The following WIPF1 variants were observed in gnomAD, a reference collection of about 807,000 sequenced individuals.
WIPF1 encodes WAS/WASL-interacting protein family member 1.
WIPF1 carries 13 observed loss-of-function variants against 35.4 expected under a neutral mutation model. The ratio of observed to expected loss-of-function variants is 0.37; its 90% confidence interval spans 0.24 to 0.58. The LOEUF (loss-of-function observed/expected upper bound fraction) is 0.58. Among genes scored for constraint, WIPF1 ranks in the 20% least tolerant of loss-of-function variants. The probability of loss-of-function intolerance (pLI) is 0.74; values close to 1 mark genes in which losing one functional copy is unlikely to be tolerated. For synonymous variants in WIPF1, 267 were observed against 266.3 expected (o/e 1.00, Z -0.02); for missense variants, 591 against 667.0 (o/e 0.89, Z 1.25).
rs1684484943 is a variant in WIPF1 at position 174,561,589 on chromosome 2, C to T, written c.*958G>A. 6.3e-6 allele frequency: 1 copy of T among 157,660 alleles called. No homozygotes were observed. The highest frequency in any genetic ancestry group is 2.4e-5 in the African/African-American group (1 of 41,446). 9.8% of individuals were successfully genotyped at this position (157,660 alleles called of 1,614,324 possible). The stretch of plus-strand genomic sequence containing the variant: ...GGTACTTTGAAGCAACACTTGTATA[C>T]AGATATTAAGGGAAGAGGGAAGTTA... On this transcript the variant is annotated 3_prime_UTR_variant, in exon 8 of 8. Transcript: ENST00000679041.
chr2:174,643,740 T>A (rs1687345827), intron 1 of WIPF1, among the ~76,000 whole-genome samples: 1 of 152,166 alleles, frequency 6.6e-6, no homozygotes, highest in South Asian at 2.1e-4. Flanking sequence ...TTTAACAGAT[T>A]TTTCAGTGCT....
intron 6 of WIPF1, 60 bp downstream of exon 6, chr2:174,567,801 C>T: frequency 6.7e-7 from 1 of 1,500,272 alleles, no homozygotes; most frequent in Non-Finnish European, 8.9e-7. Context: ...ACCACATATA[C>T]AAACAGATTT....
At chr2:174,679,354 G>A (rs1235635115) in intron 1 of WIPF1, among the ~76,000 whole-genome samples, 4 of 152,012 alleles carry the variant, frequency 2.6e-5, no homozygotes, top group African/African-American at 9.7e-5. Flanking sequence ...TGTAATCCCA[G>A]CTACTTGGGA....
chr2:174,574,860 T>C, intron 4 of WIPF1: 1 of 717,146 alleles, frequency 1.4e-6, no homozygotes, highest in South Asian at 1.5e-5. Flanking sequence ...CAAAGAAAGC[T>C]GAATCTGTCA....
chr2:174,635,272 T>C (rs1356360796), intron 1 of WIPF1, among the ~76,000 whole-genome samples: 1 of 152,194 alleles, frequency 6.6e-6, no homozygotes, highest in Non-Finnish European at 1.5e-5. Flanking sequence ...CTCCAAAATA[T>C]GCCAGCATTT....
chr2:174,602,849 T>C (rs1232333678), intron 1 of WIPF1, among the ~76,000 whole-genome samples: 1 of 152,224 alleles, frequency 6.6e-6, no homozygotes, highest in African/African-American at 2.4e-5. Context: ...TTCCCCCTAC[T>C]TATAATCACG....
chr2:174,660,594 G>A (rs115416444), intron 1 of WIPF1, among the ~76,000 whole-genome samples: 2,400 of 152,194 alleles, frequency 0.016, 62 homozygotes, highest in African/African-American at 0.051. Flanking sequence ...GTTGGGTCTC[G>A]GGGGAAACAG....
intron 7 of WIPF1, among the ~76,000 whole-genome samples, chr2:174,563,751 C>T (rs1684558720): frequency 6.6e-6 from 1 of 152,152 alleles, no homozygotes; most frequent in South Asian, 2.1e-4. Flanking sequence ...GGGCATGTGT[C>T]AATCAGGTAG....
chr2:174,676,760 C>T (rs1688140831), intron 1 of WIPF1: 1 of 152,162 alleles, frequency 6.6e-6, no homozygotes, highest in African/African-American at 2.4e-5. Flanking sequence ...ACAATAATAA[C>T]TTCTACTTTC....
chr2:174,619,098 C>T (rs1044131815), intron 1 of WIPF1, among the ~76,000 whole-genome samples: 2 of 152,112 alleles, frequency 1.3e-5, no homozygotes, highest in Non-Finnish European at 2.9e-5. Context: ...GGACCACAGA[C>T]GCATGCCACC....
chr2:174,635,344 C>T (rs76310591), intron 1 of WIPF1, among the ~76,000 whole-genome samples: 26 of 152,152 alleles, frequency 1.7e-4, no homozygotes, highest in East Asian at 1.4e-3. Flanking sequence ...TTCCTGGCAG[C>T]GTGTGAGTCC....
intron 5 of WIPF1, among the ~76,000 whole-genome samples, chr2:174,570,973 T>C (rs10165817): frequency 0.15 from 22,659 of 152,180 alleles, 2,416 homozygotes; most frequent in African/African-American, 0.3. Flanking sequence ...CTCTGAAAGT[T>C]TGTCCCTCAG....
intron 1 of WIPF1, among the ~76,000 whole-genome samples, chr2:174,637,296 C>A (rs760763645): frequency 6.6e-6 from 1 of 152,066 alleles, no homozygotes; most frequent in African/African-American, 2.4e-5. Flanking sequence ...ATGCTCCAGG[C>A]TCACCATGTA....
Position 174,643,102 on chromosome 2 carries a change from T to C in WIPF1, c.-39+39672A>G, listed in dbSNP as rs1432764643. ...GGTGGGGGAAGGAACCATCTTGTGT[T>C]AATTTTCAATGCTACTATACTATTA... On this transcript the variant is annotated intron_variant, in intron 1 of 8. Transcript: ENST00000272746. Among the ~76,000 whole-genome samples, 3 of 149,326 alleles carry C rather than the reference T, an allele frequency of 2.0e-5. No individual in the cohort carries two copies. In the East Asian group the frequency reaches 5.8e-4, roughly 29 times the overall value.
intron 1 of WIPF1, among the ~76,000 whole-genome samples, chr2:174,604,606 G>T (rs1299558521): frequency 6.6e-6 from 1 of 152,034 alleles, no homozygotes; most frequent in East Asian, 1.9e-4. Flanking sequence ...ATAAGAAAAA[G>T]AACTAAAAAG....
At chr2:174,672,791 G>T (rs1259367701) in intron 1 of WIPF1, among the ~76,000 whole-genome samples, 1 of 152,178 alleles carries the variant, frequency 6.6e-6, no homozygotes, top group African/African-American at 2.4e-5. Context: ...GTCAAGCCCA[G>T]CTTGACTACT....
rs181717135 is a variant in WIPF1 at position 174,642,628 on chromosome 2, T to C, written c.-39+40146A>G. Among the ~76,000 whole-genome samples the C allele has an allele frequency of 2.6e-5, 4 of 150,962 alleles. No individual in the cohort carries two copies. The East Asian group carries it at 7.7e-4, about 29-fold the overall frequency. Reference sequence around the variant, plus strand: ...TCCCAAAGTGCTGGGATTACAGGCATGAGCCGCCGCGCCCGGCCTTTTTTG... The same window carrying C: ...TCCCAAAGTGCTGGGATTACAGGCACGAGCCGCCGCGCCCGGCCTTTTTTG... On this transcript the variant is annotated intron_variant, in intron 1 of 8. Transcript: ENST00000272746.
intron 1 of WIPF1, among the ~76,000 whole-genome samples, chr2:174,637,081 T>C (rs1687199761): frequency 6.6e-6 from 1 of 152,264 alleles, no homozygotes; most frequent in Non-Finnish European, 1.5e-5. Context: ...TATTCAATCA[T>C]TTATTTATAC....
chr2:174,670,331 A>G (rs887358937), intron 1 of WIPF1, among the ~76,000 whole-genome samples: 15 of 152,186 alleles, frequency 9.9e-5, no homozygotes, highest in African/African-American at 3.4e-4. Context: ...TGCTAGGACC[A>G]GAGCTGACAG....
Sources: allele counts gnomAD v4.1 joint callset (sites outside exome capture counted in the v4.1 genomes callset), GRCh38; gene constraint gnomAD v4.1.1; transcripts MANE v1.5; gene names NCBI Gene and HGNC (gene_info 2026-07-23, HGNC 2026-07-21).